The following KDM4B variants were observed in gnomAD, a reference collection of about 807,000 sequenced individuals.
KDM4B encodes lysine-specific demethylase 4B.
Under a neutral mutation model 125.2 loss-of-function variants are expected in KDM4B, and 32 were observed. That is an observed-to-expected ratio of 0.26 (90% CI 0.19 to 0.34). The LOEUF is 0.34. Among genes scored for constraint, KDM4B ranks in the 10% least tolerant of loss-of-function variants. The probability of loss-of-function intolerance (pLI) is 1.00; values close to 1 mark genes in which losing one functional copy is unlikely to be tolerated. For synonymous variants in KDM4B, 721 were observed against 677.9 expected (o/e 1.06, Z -0.99); for missense variants, 1,190 against 1,577.7 (o/e 0.75, Z 4.16).
At chr19:5,132,149 T>G in intron 13 of KDM4B, 142 bp downstream of exon 13, 1 of 1,084,476 alleles carries the variant, frequency 9.2e-7, no homozygotes, top group Non-Finnish European at 1.3e-6. Flanking sequence ...TCTGTGGCTC[T>G]GCCGTAGCGA....
chr19:5,139,337 G>C (rs933815072), intron 18 of KDM4B, among the ~76,000 whole-genome samples: 1 of 150,994 alleles, frequency 6.6e-6, no homozygotes, highest in Admixed American at 6.6e-5. Context: ...GTGTTGATCC[G>C]GGCACCCGCC....
At chr19:5,086,652 C>CG (rs1456135538) in intron 9 of KDM4B, among the ~76,000 whole-genome samples, 3 of 152,196 alleles carry the variant, frequency 2.0e-5, no homozygotes, top group African/African-American at 7.2e-5. Flanking sequence ...TCCTCCCCCC[C>CG]CCAGCCCCCA....
At chr19:5,119,097 C>A (rs746110402) in intron 10 of KDM4B, 16 of 1,452,012 alleles carry the variant, frequency 1.1e-5, no homozygotes, top group Admixed American at 4.0e-5. Context: ...AGAGAAAAAA[C>A]CCGTGAAATT....
chr19:5,126,256 A>G (rs1246988047), intron 11 of KDM4B, among the ~76,000 whole-genome samples: 2 of 152,068 alleles, frequency 1.3e-5, no homozygotes, highest in Non-Finnish European at 2.9e-5. Flanking sequence ...GGTGTCCCCT[A>G]TCCCATTCTT....
intron 1 of KDM4B, among the ~76,000 whole-genome samples, chr19:4,994,914 C>G (rs925584185): frequency 1.3e-5 from 2 of 152,128 alleles, no homozygotes; most frequent in Non-Finnish European, 2.9e-5. Flanking sequence ...TTCTCAGAAT[C>G]GACTTCAGAT....
chr19:4,991,342 G>C (rs197141), intron 1 of KDM4B, among the ~76,000 whole-genome samples: 47,567 of 151,622 alleles, frequency 0.31, 8,149 homozygotes, highest in East Asian at 0.69. Flanking sequence ...GGCTGGGTGT[G>C]GTGGCTCACA....
chr19:5,119,941 A>G, intron 11 of KDM4B, 89 bp downstream of exon 11: 5 of 1,431,448 alleles, frequency 3.5e-6, no homozygotes, highest in Non-Finnish European at 4.6e-6. Context: ...CTACAGCCAG[A>G]GTCCCCGTTT....
At chr19:5,046,135 T>C (rs904337869) in intron 5 of KDM4B, among the ~76,000 whole-genome samples, 4 of 152,236 alleles carry the variant, frequency 2.6e-5, no homozygotes, top group Non-Finnish European at 5.9e-5. Context: ...GCACTTGGCC[T>C]GTAGTGATGA....
At chr19:4,970,358 C>T (rs148298701) in intron 1 of KDM4B, among the ~76,000 whole-genome samples, 1 of 152,346 alleles carries the variant, frequency 6.6e-6, no homozygotes, top group African/African-American at 2.4e-5. Flanking sequence ...GGTTCAGCTC[C>T]GTGGAGCCTA....
At chr19:5,137,600 A>G in intron 16 of KDM4B, 21 bp from the exon 17 acceptor site, 2 of 1,601,594 alleles carry the variant, frequency 1.2e-6, no homozygotes, top group African/African-American at 1.3e-5. Context: ...CTGCTCATCC[A>G]GGGCTGTCTG....
intron 5 of KDM4B, among the ~76,000 whole-genome samples, chr19:5,046,030 T>G (rs900672466): frequency 1.2e-4 from 18 of 152,258 alleles, no homozygotes; most frequent in Admixed American, 1.3e-4. Flanking sequence ...GGGCTTGTCT[T>G]TCTCTTACGG....
chr19:4,979,594 C>T (rs1168616710), intron 1 of KDM4B, among the ~76,000 whole-genome samples: 3 of 152,132 alleles, frequency 2.0e-5, no homozygotes, highest in Non-Finnish European at 2.9e-5. Context: ...CAGGCAGCCC[C>T]GTCCTCGAGG....
At chr19:5,026,990 A>G (rs554120876) in intron 2 of KDM4B, among the ~76,000 whole-genome samples, 101 of 152,330 alleles carry the variant, frequency 6.6e-4, no homozygotes, top group Admixed American at 1.6e-3. Flanking sequence ...GCCTGGCTCC[A>G]GCCAGCTCAC....
chr19:5,063,792 A>G (rs1394463123), intron 6 of KDM4B, among the ~76,000 whole-genome samples: 1 of 152,226 alleles, frequency 6.6e-6, no homozygotes, highest in Non-Finnish European at 1.5e-5. Context: ...ATTTCCGTGG[A>G]CGGAGTTAAC....
At chr19:5,069,984 T>C (rs2037896354) in intron 6 of KDM4B, among the ~76,000 whole-genome samples, 1 of 152,090 alleles carries the variant, frequency 6.6e-6, no homozygotes, top group Admixed American at 6.5e-5. Context: ...TCCCACCCTC[T>C]GAGCTTTTCC....
At position 5,131,276 on chromosome 19, in the gene KDM4B, C is replaced by T. The variant is rs1447970270; in HGVS notation, c.1516C>T (p.Leu506Phe). 3 of 1,611,770 alleles carry T rather than the reference C, an allele frequency of 1.9e-6. No individual in the cohort carries two copies. The Admixed American group carries it at 5.0e-5, about 27-fold the overall frequency. ...GGAGGAGAGCCCCCTGCCGGCACCC[C>T]TTAATGTCGTGCCCCCTGAGGTGCC... ...AMEESPLPAP[L>F]NVVPPEVPSE... is the part of the protein sequence containing the mutation. Residue 506 changes from leucine to phenylalanine, a missense_variant, in exon 12 of 23, where the codon CTT (leucine) becomes TTT (phenylalanine). Physicochemically the swap from Leu to Phe is conservative, Grantham distance 22 (BLOSUM62 0). Coordinates refer to ENST00000159111, the MANE Select transcript of KDM4B (RefSeq NM_015015.3).
intron 11 of KDM4B, among the ~76,000 whole-genome samples, chr19:5,126,340 G>C (rs1193757344): frequency 2.6e-5 from 4 of 152,148 alleles, no homozygotes; most frequent in Non-Finnish European, 2.9e-5. Flanking sequence ...AGCCCCACCA[G>C]CCAGCCCTAA....
At chr19:5,130,933 T>C in intron 11 of KDM4B, 143 bp from the exon 12 acceptor site, 1 of 628,646 alleles carries the variant, frequency 1.6e-6, no homozygotes, top group Non-Finnish European at 2.7e-6. Context: ...GCCTGTGTTC[T>C]CTGCCCACCC....
chr19:5,043,181 T>C (rs950935044), intron 5 of KDM4B, among the ~76,000 whole-genome samples: 1 of 150,664 alleles, frequency 6.6e-6, no homozygotes, highest in African/African-American at 2.4e-5. Flanking sequence ...GTCCACCTTA[T>C]CCCGCGTGGT....
Sources: gnomAD v4.1 joint callset for allele counts (sites outside exome capture counted in the v4.1 genomes callset) on GRCh38, gnomAD v4.1.1 for gene constraint, MANE v1.5 for transcripts, NCBI Gene and HGNC (gene_info 2026-07-23, HGNC 2026-07-21) for gene names.